Variants in PCSK1 observed in about 807,000 individuals in gnomAD.
PCSK1 encodes neuroendocrine convertase 1.
A neutral mutation model predicts 90.6 loss-of-function variants in PCSK1; 56 were observed. The observed-to-expected ratio is 0.62, with a 90% CI of 0.50 to 0.77. PCSK1 has a LOEUF of 0.77. PCSK1 is among the 30% of genes least tolerant of loss of function. The probability of loss-of-function intolerance (pLI) is 0.00; values close to 1 mark genes in which losing one functional copy is unlikely to be tolerated. For synonymous variants in PCSK1, 348 were observed against 342.4 expected, an observed-to-expected ratio of 1.02 and a Z score of -0.18; for missense variants, 801 against 932.6, an observed-to-expected ratio of 0.86 and a Z score of 1.84.
intron 2 of PCSK1, among the ~76,000 whole-genome samples, chr5:96,427,227 G>A (rs1761338053): frequency 1.3e-5 from 2 of 152,128 alleles, no homozygotes; most frequent in Non-Finnish European, 2.9e-5. Flanking sequence ...TTTGGAAATG[G>A]GATATAAGAG....
intron 9 of PCSK1, among the ~76,000 whole-genome samples, chr5:96,406,087 G>T (rs1398597274): frequency 6.6e-6 from 1 of 152,082 alleles, no homozygotes; most frequent in Middle Eastern, 3.2e-3. Context: ...ATTCATGTTG[G>T]ATTACCTATG....
intron 12 of PCSK1, among the ~76,000 whole-genome samples, chr5:96,396,373 C>G (rs1760144206): frequency 6.6e-6 from 1 of 152,016 alleles, no homozygotes; most frequent in Non-Finnish European, 1.5e-5. Context: ...CCAGCCTGAC[C>G]AACATGGTGA....
intron 1 of PCSK1, among the ~76,000 whole-genome samples, chr5:96,429,853 G>A (rs948236915): frequency 6.6e-6 from 1 of 152,168 alleles, no homozygotes; most frequent in African/African-American, 2.4e-5. Flanking sequence ...TTAGCTCACA[G>A]TAGGAGGCTA....
intron 12 of PCSK1, 56 bp downstream of exon 12, chr5:96,397,280 G>A (rs1580744643): frequency 4.0e-6 from 6 of 1,490,584 alleles, no homozygotes; most frequent in Non-Finnish European, 5.6e-6. Flanking sequence ...CCTTAAAAGT[G>A]CTTCAAAATG....
chr5:96,415,633 G>A (rs1760916650), intron 6 of PCSK1, among the ~76,000 whole-genome samples: 2 of 151,998 alleles, frequency 1.3e-5, no homozygotes, highest in Admixed American at 6.6e-5. Flanking sequence ...AAATTTTGAA[G>A]CTGTTCTTCT....
intron 1 of PCSK1, among the ~76,000 whole-genome samples, chr5:96,430,202 T>C (rs947531703): frequency 6.6e-6 from 1 of 152,232 alleles, no homozygotes; most frequent in Non-Finnish European, 1.5e-5. Context: ...TCCGGGTATC[T>C]ATTGACATCT....
chr5:96,412,750 A>ATTTTTTTTT (rs1451878228), intron 6 of PCSK1, among the ~76,000 whole-genome samples: 1 of 63,388 alleles, frequency 1.6e-5, no homozygotes, highest in African/African-American at 7.9e-5. Context: ...GGCAGCTGTG[A>ATTTTTTTTT]TGTTTTTTTT....
rs1293626686 is a variant in PCSK1 at position 96,421,927 on chromosome 5, A to G, written c.573T>C (p.Asp191=). ...YDPEASYDFN[D]NDHDPFPRYD... Reference sequence around the variant, plus strand: ...ATCGGGGAAATGGATCATGGTCATTATCATTAAAATCATAGCTAGCCTCTG... The same window carrying G: ...ATCGGGGAAATGGATCATGGTCATTGTCATTAAAATCATAGCTAGCCTCTG... The change falls in exon 5 of 14, where the codon GAT becomes GAC. Residue 191 remains aspartate (D), a synonymous_variant. Transcript: ENST00000311106. 3 of 1,573,260 alleles carry G rather than the reference A, an allele frequency of 1.9e-6. No individual in the cohort carries two copies. Among genetic ancestry groups the G allele is most frequent in the African/African-American group, 1.4e-5 (1 of 72,532 alleles).
chr5:96,425,062 A>AAGAAAG (rs1554059793), intron 3 of PCSK1, among the ~76,000 whole-genome samples: 1 of 142,436 alleles, frequency 7.0e-6, no homozygotes, highest in Non-Finnish European at 1.5e-5. Flanking sequence ...GAAAGAAAGA[A>AAGAAAG]AGAAAGAAAG....
At chr5:96,428,804 T>C (rs546712066) in intron 2 of PCSK1, among the ~76,000 whole-genome samples, 27 of 152,306 alleles carry the variant, frequency 1.8e-4, no homozygotes, top group African/African-American at 6.3e-4. Flanking sequence ...CCCACATTGG[T>C]ATTAAAGTGT....
chr5:96,427,250 C>T (rs1050632660), intron 2 of PCSK1, among the ~76,000 whole-genome samples: 11 of 152,064 alleles, frequency 7.2e-5, no homozygotes, highest in Non-Finnish European at 1.2e-4. Flanking sequence ...GGCACTCTGC[C>T]GTCTGATCAG....
chr5:96,432,850 T>A lies in PCSK1; in HGVS notation c.180+13A>T, dbSNP rs760346810. ...GGGGCCCCAGAAAGTTTCTTGAAAG[T>A]GGAAACTCTTACCTGACCCAAAAGG... On this transcript the variant is annotated intron_variant, in intron 1 of 13. Transcript: ENST00000311106. The A allele has an allele frequency of 2.5e-6, 4 of 1,611,716 alleles. No individual in the cohort carries two copies. The highest frequency in any genetic ancestry group is 3.4e-6 in the Non-Finnish European group (4 of 1,178,942).
chr5:96,410,041 G>T (rs1408163595), intron 8 of PCSK1, among the ~76,000 whole-genome samples: 5 of 152,104 alleles, frequency 3.3e-5, no homozygotes, highest in Admixed American at 6.5e-5. Context: ...TTAGCTAGTT[G>T]GTCCTTTCTG....
intron 8 of PCSK1, 78 bp downstream of exon 8, chr5:96,410,696 G>A (rs1462431727): frequency 1.7e-6 from 2 of 1,149,418 alleles, no homozygotes; most frequent in African/African-American, 1.5e-5. Flanking sequence ...TCGTACCAAA[G>A]GTCAGTTAGG....
At chr5:96,393,616 G>A (rs1342421401) in intron 13 of PCSK1, among the ~76,000 whole-genome samples, 1 of 152,170 alleles carries the variant, frequency 6.6e-6, no homozygotes, top group Non-Finnish European at 1.5e-5. Context: ...GGTGGAATAA[G>A]AGTACCTCCA....
intron 5 of PCSK1, among the ~76,000 whole-genome samples, chr5:96,419,749 T>A (rs1580762836): frequency 1.3e-5 from 2 of 152,038 alleles, no homozygotes; most frequent in African/African-American, 4.8e-5. Flanking sequence ...CCTTTGCAGG[T>A]AACTCCCTGA....
intron 1 of PCSK1, chr5:96,432,026 AGC>A: frequency 7.9e-7 from 1 of 1,258,904 alleles, no homozygotes; most frequent in Non-Finnish European, 1.1e-6. Context: ...CTATCGACCA[AGC>A]CTTCACTTGG....
In PCSK1 at chr5:96,425,920, G is replaced by A. The variant is rs776019151; in HGVS notation, c.296C>T (p.Ala99Val). 9.4e-6 allele frequency: 15 copies of A among 1,603,008 alleles called. No individual in the cohort carries two copies. The highest frequency in any genetic ancestry group is 1.3e-5 in the Non-Finnish European group (15 of 1,170,592). Residue 99 changes from alanine to valine, a missense_variant, in exon 3 of 14, where the codon GCT becomes GTT. By Grantham distance (64) the Ala-to-Val change is moderately conservative. Coordinates refer to ENST00000311106, the MANE Select transcript of PCSK1 (RefSeq NM_000439.5). ...TCTTTCTTTTTCATACTGTTGTTCA[G>A]CCCATATCACCTACAAGGATTTTTA... ...RLSDDDRVIW[A>V]EQQYEKERSK...
intron 1 of PCSK1, chr5:96,432,068 A>G (rs1265302935): frequency 6.6e-7 from 1 of 1,524,044 alleles, no homozygotes. Context: ...AATTCCCGGG[A>G]AAACGATTAC....
Sources: gnomAD v4.1 joint callset for allele counts (sites outside exome capture counted in the v4.1 genomes callset) on GRCh38, gnomAD v4.1.1 for gene constraint, MANE v1.5 for transcripts, NCBI Gene and HGNC (gene_info 2026-07-23, HGNC 2026-07-21) for gene names.